Variants in ADGRL2 observed in about 807,000 individuals in gnomAD.
ADGRL2 encodes the protein adhesion G protein-coupled receptor L2.
ADGRL2 carries 44 observed loss-of-function variants against 157.4 expected under a neutral mutation model. The ratio of observed to expected loss-of-function variants is 0.28; its 90% CI spans 0.22 to 0.36. The LOEUF is 0.36. Among genes scored for constraint, ADGRL2 ranks in the 10% least tolerant of loss-of-function variants. ADGRL2 has a pLI of 1.00. For synonymous variants in ADGRL2, 585 were observed against 624.7 expected, an observed-to-expected ratio of 0.94 and a Z score of 0.95; for missense variants, 1,510 against 1,768.9, an observed-to-expected ratio of 0.85 and a Z score of 2.63.
At chr1:81,491,628 G>A (rs2078635224) in intron 2 of ADGRL2, among the ~76,000 whole-genome samples, 1 of 152,132 alleles carries the variant, frequency 6.6e-6, no homozygotes, top group Admixed American at 6.5e-5. Flanking sequence ...AGAAAGAGAA[G>A]TGACAACACT....
At chr1:81,957,464 C>A (rs1056883193) in intron 11 of ADGRL2, among the ~76,000 whole-genome samples, 1 of 152,008 alleles carries the variant, frequency 6.6e-6, no homozygotes, top group Non-Finnish European at 1.5e-5. Context: ...TTTGGGAGGC[C>A]GAGGCAGGCA....
intron 1 of ADGRL2, among the ~76,000 whole-genome samples, chr1:81,419,124 T>C (rs185056327): frequency 6.6e-6 from 1 of 152,300 alleles, no homozygotes; most frequent in South Asian, 2.1e-4. Flanking sequence ...AAATAAAGTG[T>C]AAAGTGGAGC....
At chr1:81,905,951 T>A (rs966456198) in intron 2 of ADGRL2, among the ~76,000 whole-genome samples, 27 of 124,456 alleles carry the variant, frequency 2.2e-4, no homozygotes, top group African/African-American at 6.9e-4. Flanking sequence ...AAGCAGAGTG[T>A]GTGTGTGTGT....
intron 1 of ADGRL2, chr1:81,427,605 G>A (rs2077242435): frequency 4.3e-6 from 3 of 700,868 alleles, no homozygotes; most frequent in Non-Finnish European, 7.9e-6. Flanking sequence ...AGGAGCAGAA[G>A]GTTTTGAAAA....
At chr1:81,749,570 A>G (rs957840261) in intron 1 of ADGRL2, among the ~76,000 whole-genome samples, 1 of 152,180 alleles carries the variant, frequency 6.6e-6, no homozygotes, top group Non-Finnish European at 1.5e-5. Context: ...TTTCTTGAAC[A>G]GTGCCTGGAA....
chr1:81,827,782 C>T (rs944622207), intron 1 of ADGRL2, among the ~76,000 whole-genome samples: 4 of 152,064 alleles, frequency 2.6e-5, no homozygotes, highest in African/African-American at 9.7e-5. Flanking sequence ...CCAGGCTGGT[C>T]TCGAACTCCT....
At chr1:81,482,238 G>A (rs955637353) in intron 2 of ADGRL2, among the ~76,000 whole-genome samples, 1 of 152,060 alleles carries the variant, frequency 6.6e-6, no homozygotes, top group African/African-American at 2.4e-5. Context: ...TATAGTTTGC[G>A]GCCAAACAAA....
rs890130031 is a variant in ADGRL2, at chr1:81,451,427, GA to G, written c.-248+6340del. Among the ~76,000 whole-genome samples, 165 of 152,296 alleles carry G rather than the reference GA, an allele frequency of 1.1e-3. 1 individual carries two copies. Among genetic ancestry groups the G allele is most frequent in the African/African-American group, 3.7e-3 (154 of 41,576 alleles). On this transcript the variant is annotated intron_variant, in intron 2 of 24. Transcript: ENST00000370721. ...ATTTGTAAATATCAAAACATATGAAGAAGCAAATGAAAGCCATTGTTTATAC... is the reference window on the plus strand; with the variant it reads ...ATTTGTAAATATCAAAACATATGAAGAGCAAATGAAAGCCATTGTTTATAC...
At chr1:81,573,216 T>C (rs911551858) in intron 2 of ADGRL2, among the ~76,000 whole-genome samples, 6 of 152,126 alleles carry the variant, frequency 3.9e-5, no homozygotes, top group African/African-American at 1.4e-4. Flanking sequence ...TGGCTAATTA[T>C]GTGACAGAAT....
chr1:81,581,961 C>T (rs2080924085), intron 3 of ADGRL2, among the ~76,000 whole-genome samples: 1 of 151,498 alleles, frequency 6.6e-6, no homozygotes, highest in African/African-American at 2.4e-5. Context: ...TGGCTCACAC[C>T]TATAACCCTA....
chr1:81,485,861 G>T (rs2078488911), intron 2 of ADGRL2, among the ~76,000 whole-genome samples: 1 of 151,904 alleles, frequency 6.6e-6, no homozygotes, highest in African/African-American at 2.4e-5. Context: ...AAGGACTGAG[G>T]ATCAAAGACC....
intron 1 of ADGRL2, among the ~76,000 whole-genome samples, chr1:81,738,239 C>A (rs2084965574): frequency 6.6e-6 from 1 of 152,172 alleles, no homozygotes; most frequent in Non-Finnish European, 1.5e-5. Flanking sequence ...CAATGTCTCC[C>A]TTTCTTGGGG....
At position 81,475,746 on chromosome 1, in the gene ADGRL2, A is replaced by G. The variant is rs74731274; in HGVS notation, c.-248+30657A>G. On this transcript the variant is annotated intron_variant, in intron 2 of 24. Coordinates refer to the ADGRL2 transcript ENST00000370721. ...TGATAAAGACTGGGACAAGTAGATG[A>G]CAGAAAAGACACAAAGAGTAGGGAT... Among the ~76,000 whole-genome samples the G allele has an allele frequency of 2.2e-3, 329 of 152,290 alleles. 2 individuals carry two copies. Among genetic ancestry groups the G allele is most frequent in the African/African-American group, 7.7e-3 (318 of 41,558 alleles).
chr1:81,877,655 CT>C (rs966886110), intron 2 of ADGRL2, among the ~76,000 whole-genome samples: 22 of 151,330 alleles, frequency 1.5e-4, no homozygotes, highest in Non-Finnish European at 2.8e-4. Flanking sequence ...CAATACGTGG[CT>C]TTTTTTGGGG....
intron 2 of ADGRL2, among the ~76,000 whole-genome samples, chr1:81,580,237 A>T (rs1007808482): frequency 1.3e-5 from 2 of 152,114 alleles, no homozygotes; most frequent in African/African-American, 4.8e-5. Flanking sequence ...AACCATTCAC[A>T]TCTGTGACCA....
chr1:81,951,999 G>C lies in ADGRL2; in HGVS notation c.1651G>C (p.Ala551Pro). The part of the protein sequence containing the change: ...ENAASLANEL[A>P]KHTKGPVFAG... ...TGCTGCTAGTCTTGCCAATGAACTG[G>C]CTAAACATACCAAAGGGCCAGTGTT... Residue 551 changes from alanine (A) to proline (P), a missense_variant, in exon 9 of 24, where the codon GCT becomes CCT. Physicochemically the swap from Ala to Pro is conservative, Grantham distance 27. This residue lies in a region of ADGRL2 where 325 missense variants were observed against 333.2 expected (regional missense o/e 0.98). Coordinates refer to ENST00000686636, the MANE Select transcript of ADGRL2 (RefSeq NM_001366006.2). 6.2e-7 allele frequency: 1 copy of C among 1,613,356 alleles called. No homozygotes were observed. Among genetic ancestry groups the C allele is most frequent in the Non-Finnish European group, 8.5e-7 (1 of 1,179,452 alleles).
intron 3 of ADGRL2, among the ~76,000 whole-genome samples, chr1:81,693,979 T>G (rs1205789251): frequency 6.6e-6 from 1 of 152,120 alleles, no homozygotes; most frequent in Non-Finnish European, 1.5e-5. Flanking sequence ...CATCTGTACA[T>G]TATATGAGGG....
intron 2 of ADGRL2, among the ~76,000 whole-genome samples, chr1:81,784,515 G>A (rs1247062761): frequency 6.6e-6 from 1 of 152,016 alleles, no homozygotes; most frequent in Admixed American, 6.6e-5. Context: ...ATCACTTGAG[G>A]CCAGGAGTTT....
chr1:81,715,695 C>T (rs939748891), intron 1 of ADGRL2, among the ~76,000 whole-genome samples: 2 of 152,168 alleles, frequency 1.3e-5, no homozygotes, highest in African/African-American at 4.8e-5. Flanking sequence ...TATAGCTCTG[C>T]ATACATGTCA....
Sources: allele counts gnomAD v4.1 joint callset (sites outside exome capture counted in the v4.1 genomes callset), GRCh38; gene constraint gnomAD v4.1.1; regional missense constraint gnomAD v4.1.1; transcripts MANE v1.5; gene names NCBI Gene and HGNC (gene_info 2026-07-23, HGNC 2026-07-21).